OPTC: variants seen among roughly 807,000 people sequenced by gnomAD.
OPTC encodes the protein opticin.
Under a neutral mutation model 25.4 loss-of-function variants are expected in OPTC, and 22 were observed. The ratio of observed to expected loss-of-function variants is 0.87; its 90% confidence interval spans 0.62 to 1.24. The LOEUF is 1.24. Among genes scored for constraint, OPTC ranks in the 50% most tolerant of loss-of-function variants. The pLI, the probability that OPTC is intolerant of heterozygous loss-of-function variation, is 0.00. For synonymous variants in OPTC, 169 were observed against 179.3 expected (o/e 0.94, Z 0.46); for missense variants, 417 against 425.2 (o/e 0.98, Z 0.17).
intron 1 of OPTC, among the ~76,000 whole-genome samples, chr1:203,495,033 C>T (rs973461851): frequency 6.6e-6 from 1 of 152,216 alleles, no homozygotes; most frequent in Non-Finnish European, 1.5e-5. Context: ...AAGTATATTT[C>T]ATAAACTAAC....
intron 6 of OPTC, 142 bp downstream of exon 6, chr1:203,503,151 G>A (rs1661418715): frequency 1.4e-6 from 1 of 713,878 alleles, no homozygotes; most frequent in South Asian, 1.5e-5. Context: ...TGGAGACAAG[G>A]ATTGGGAGGT....
rs746965578 is a variant in OPTC at position 203,503,640 on chromosome 1, G to A, written c.919G>A (p.Asp307Asn). 4.3e-6 allele frequency: 7 copies of A among 1,613,502 alleles called. No homozygotes were observed. The South Asian group carries it at 7.7e-5, about 18-fold the overall frequency. The change falls in exon 7 of 8, where the codon GAT becomes AAT. Residue 307 changes from aspartate (D) to asparagine (N), a missense_variant. By Grantham distance (23) the Asp-to-Asn change is conservative. Coordinates refer to ENST00000367222, the MANE Select transcript of OPTC (RefSeq NM_014359.4). ...CAGGCAGCTGGAAGACATCCGCCTGGATGGCAACCCCATCAACCTCAGCCT... is the reference window on the plus strand; with the variant it reads ...CAGGCAGCTGGAAGACATCCGCCTGAATGGCAACCCCATCAACCTCAGCCT... ...TRRQLEDIRL[D>N]GNPINLSLFP... is the part of the protein sequence containing the mutation.
Position 203,498,706 on chromosome 1 carries a change from G to C in OPTC, c.396G>C (p.Val132=), listed in dbSNP as rs771876738. 4 of 1,614,198 alleles carry C rather than the reference G, an allele frequency of 2.5e-6. No homozygotes were observed. The highest frequency in any genetic ancestry group is 1.7e-5 in the Admixed American group (1 of 60,018). ...NHGLPTCLVC[V]CLGSSVYCDD... Reference sequence around the variant, plus strand: ...GTCTGCCCACCTGCCTGGTCTGCGTGTGCCTCGGTTCCTCTGTGTATTGCG... The same window carrying C: ...GTCTGCCCACCTGCCTGGTCTGCGTCTGCCTCGGTTCCTCTGTGTATTGCG... The change falls in exon 4 of 8, where the codon GTG becomes GTC. Residue 132 remains valine, a synonymous_variant. Coordinates refer to ENST00000367222, the MANE Select transcript of OPTC (RefSeq NM_014359.4).
At chr1:203,503,074 G>A in intron 6 of OPTC, 65 bp downstream of exon 6, 1 of 1,268,936 alleles carries the variant, frequency 7.9e-7, no homozygotes, top group South Asian at 1.2e-5. Context: ...GATACCAGGA[G>A]CAGGTCGTGG....
Position 203,498,714 on chromosome 1 carries a change from G to A in OPTC, c.404G>A (p.Gly135Asp), listed in dbSNP as rs767886850. The change falls in exon 4 of 8, where the codon GGT (glycine) becomes GAT (aspartate). Residue 135 changes from glycine (G) to aspartate (D), a missense_variant. By Grantham distance (94) the Gly-to-Asp change is moderately conservative. Coordinates refer to ENST00000367222, the MANE Select transcript of OPTC (RefSeq NM_014359.4). ...LPTCLVCVCL[G>D]SSVYCDDIDL... ...ACCTGCCTGGTCTGCGTGTGCCTCG[G>A]TTCCTCTGTGTATTGCGATGACATT... 5 of 1,614,190 alleles carry A rather than the reference G, an allele frequency of 3.1e-6. No individual in the cohort carries two copies. The Admixed American group carries it at 6.7e-5, about 22-fold the overall frequency.
chr1:203,503,385 G>A (rs1661422876), intron 6 of OPTC, among the ~76,000 whole-genome samples, 165 bp from the exon 7 acceptor site: 1 of 151,656 alleles, frequency 6.6e-6, no homozygotes, highest in Non-Finnish European at 1.5e-5. Flanking sequence ...TCCCCCCTGG[G>A]GCTCCTCTTC....
At chr1:203,503,351 A>T (rs558647694) in intron 6 of OPTC, among the ~76,000 whole-genome samples, 199 bp from the exon 7 acceptor site, 3 of 147,354 alleles carry the variant, frequency 2.0e-5, no homozygotes, top group East Asian at 2.0e-4. Flanking sequence ...CTTCCTCTTC[A>T]TCTGTGCCCT....
At chr1:203,504,348 T>C (rs146294835) in intron 7 of OPTC, among the ~76,000 whole-genome samples, 119 of 152,338 alleles carry the variant, frequency 7.8e-4, no homozygotes, top group African/African-American at 2.7e-3. Context: ...CCATGGTGTC[T>C]GTATGGGGGA....
intron 5 of OPTC, among the ~76,000 whole-genome samples, chr1:203,501,926 C>T (rs1436825480): frequency 6.6e-6 from 1 of 152,132 alleles, no homozygotes; most frequent in Admixed American, 6.5e-5. Flanking sequence ...GGAGGCGCTG[C>T]TTTGCCTTGA....
intron 3 of OPTC, 77 bp downstream of exon 3, chr1:203,497,192 A>C: frequency 6.5e-7 from 1 of 1,549,746 alleles, no homozygotes; most frequent in Non-Finnish European, 8.8e-7. Flanking sequence ...AGGGGGTACC[A>C]AAGTGGAACG....
chr1:203,507,576 CT>C (rs1230689464), intron 7 of OPTC, among the ~76,000 whole-genome samples: 1 of 152,196 alleles, frequency 6.6e-6, no homozygotes, highest in African/African-American at 2.4e-5. Context: ...AGGGGAGTGC[CT>C]CCCTCCTCTG....
intron 3 of OPTC, 49 bp downstream of exon 3, chr1:203,497,164 C>A: frequency 1.2e-6 from 2 of 1,606,354 alleles, no homozygotes; most frequent in Non-Finnish European, 1.7e-6. Context: ...ATAGGCCAAG[C>A]AGCTATGACC....
intron 7 of OPTC, among the ~76,000 whole-genome samples, chr1:203,505,845 A>G (rs1444661232): frequency 6.6e-6 from 1 of 152,216 alleles, no homozygotes; most frequent in Non-Finnish European, 1.5e-5. Flanking sequence ...CTTTCAGAGC[A>G]GCAGAGCTGT....
chr1:203,507,065 A>G (rs902396006), intron 7 of OPTC, among the ~76,000 whole-genome samples: 1 of 152,232 alleles, frequency 6.6e-6, no homozygotes, highest in African/African-American at 2.4e-5. Context: ...TAAACAGAGC[A>G]TCTGTCCCTC....
intron 2 of OPTC, 29 bp from the exon 3 acceptor site, chr1:203,496,948 C>A: frequency 6.2e-7 from 1 of 1,613,748 alleles, no homozygotes. Flanking sequence ...AAAAGCTGGG[C>A]TACTGTGTAC....
intron 4 of OPTC, among the ~76,000 whole-genome samples, chr1:203,499,191 G>A (rs74137687): frequency 6.6e-6 from 1 of 151,902 alleles, no homozygotes; most frequent in Admixed American, 6.6e-5. Context: ...CACTGATGCT[G>A]TTTACAGGGT....
Position 203,497,036 on chromosome 1 carries a change from T to C in OPTC, c.291T>C (p.Ala97=), listed in dbSNP as rs146439963. 1.9e-6 allele frequency: 3 copies of C among 1,613,898 alleles called. No individual in the cohort carries two copies. The African/African-American group carries it at 4.0e-5, about 22-fold the overall frequency. Residue 97 remains alanine (A), a synonymous_variant, in exon 3 of 8, where the codon GCT becomes GCC. Coordinates refer to ENST00000367222, the MANE Select transcript of OPTC (RefSeq NM_014359.4). ...TCAGTCCCGCCAAGAGCACTACGGC[T>C]CCAGGGACACCCTCGTCAAACCCCA... is the stretch of plus-strand genomic sequence containing the variant. ...TSISPAKSTT[A]PGTPSSNPTM... is the part of the protein sequence containing the mutation.
rs747920513 is a variant in OPTC, at chr1:203,498,767, C to T, written c.457C>T (p.Arg153Trp). 1.1e-5 allele frequency: 18 copies of T among 1,613,946 alleles called. No homozygotes were observed. The highest frequency in any genetic ancestry group is 6.7e-5 in the Admixed American group (4 of 60,008). Residue 153 changes from arginine to tryptophan, a missense_variant, in exon 4 of 8, where the codon CGG (arginine) becomes TGG (tryptophan). Arg to Trp is a moderately radical substitution (Grantham distance 101). Coordinates refer to ENST00000367222, the MANE Select transcript of OPTC (RefSeq NM_014359.4). ...IDLEDIPPLPRRTAYLYARFN... is the reference protein window; with the variant it reads ...IDLEDIPPLPWRTAYLYARFN... ...CCTAGAGGACATTCCTCCTCTTCCT[C>T]GGAGGACTGCCTACCTGTATGCACG...
Position 203,504,904 on chromosome 1 carries a change from T to C in OPTC, c.*25+1159T>C, listed in dbSNP as rs571015351. Among the ~76,000 whole-genome samples the C allele has an allele frequency of 1.4e-4, 21 of 152,362 alleles. No individual in the cohort carries two copies. In the South Asian group the frequency reaches 4.3e-3, roughly 32 times the overall value. ...AAATAAAAATAGCAATTACTCACCT[T>C]CTGCCTTTTGGATCCTGGGCAGGGG... On this transcript the variant is annotated intron_variant, in intron 7 of 7. Transcript: ENST00000367222.
Sources: gnomAD v4.1 joint callset for allele counts (sites outside exome capture counted in the v4.1 genomes callset) on GRCh38, gnomAD v4.1.1 for gene constraint, MANE v1.5 for transcripts, NCBI Gene and HGNC (gene_info 2026-07-23, HGNC 2026-07-21) for gene names.